The following TLE6 variants were observed in gnomAD, a reference collection of about 807,000 sequenced individuals.
TLE6 encodes the protein TLE family member 6, subcortical maternal complex member.
A neutral mutation model predicts 77.1 loss-of-function variants in TLE6; 72 were observed. The ratio of observed to expected loss-of-function variants is 0.93; its 90% confidence interval spans 0.77 to 1.14. TLE6 has a LOEUF of 1.14. Among genes scored for constraint, TLE6 ranks in the 50% most tolerant of loss-of-function variants. The pLI is 0.00. For missense variants in TLE6, 843 were observed against 747.6 expected, an observed-to-expected ratio of 1.13 and a Z score of -1.49; for synonymous variants, 366 against 287.3, an observed-to-expected ratio of 1.27 and a Z score of -2.77.
In TLE6 at chr19:2,977,609, C is replaced by G. The variant is rs1048175127; in HGVS notation, c.-38C>G. 2 of 152,410 alleles carry G rather than the reference C, an allele frequency of 1.3e-5. No homozygotes were observed. Among genetic ancestry groups the G allele is most frequent in the African/African-American group, 4.8e-5 (2 of 41,368 alleles). 9.4% of individuals were successfully genotyped at this position (152,410 alleles called of 1,614,324 possible). A position where few individuals can be genotyped will look rare whatever the true frequency, so the allele number is the denominator to read the frequency against. ...TTGGCTGACCTCCGCAGCTTCCGCC[C>G]GGTGAGGGACGTGAGTTGCCAGGCG... On this transcript the variant is annotated splice_region_variant and 5_prime_UTR_variant, in exon 1 of 17. Transcript: ENST00000246112.
chr19:2,982,366 C>A (rs558819529), intron 5 of TLE6, among the ~76,000 whole-genome samples, 177 bp downstream of exon 5: 2 of 151,248 alleles, frequency 1.3e-5, no homozygotes, highest in East Asian at 3.9e-4. Context: ...GGTGAAACCC[C>A]GTCTCTACTA....
intron 5 of TLE6, among the ~76,000 whole-genome samples, chr19:2,986,014 C>T (rs1169913481): frequency 1.6e-5 from 2 of 122,766 alleles, no homozygotes; most frequent in African/African-American, 6.4e-5. Flanking sequence ...GCGGAGGTTG[C>T]AGTGAGCCGA....
chr19:2,993,978 G>T, intron 15 of TLE6, 41 bp from the exon 16 acceptor site: 3 of 1,480,718 alleles, frequency 2.0e-6, no homozygotes, highest in South Asian at 1.2e-5. Context: ...GAAGGAAAAA[G>T]GTAGTGGTTC....
rs764449695 is a variant in TLE6 at position 2,981,596 on chromosome 19, C to G, written c.180+13C>G. The G allele has an allele frequency of 1.2e-5, 18 of 1,551,420 alleles. No individual in the cohort carries two copies. Among genetic ancestry groups the G allele is most frequent in the Non-Finnish European group, 1.5e-5 (17 of 1,146,932 alleles). ...CATTTACTACTCGGTGAGCCAGACC[C>G]AGGCAGCCCCAACCAAGGAGGGCCC... On this transcript the variant is annotated intron_variant, in intron 4 of 16. Coordinates refer to ENST00000246112, the MANE Select transcript of TLE6 (RefSeq NM_001143986.2).
chr19:2,991,151 G>A (rs2145059983), intron 13 of TLE6, among the ~76,000 whole-genome samples: 1 of 151,310 alleles, frequency 6.6e-6, no homozygotes, highest in South Asian at 2.1e-4. Flanking sequence ...ATCACCTGAG[G>A]TCGGGAGTTT....
intron 13 of TLE6, 39 bp from the exon 14 acceptor site, chr19:2,991,804 G>A: frequency 6.2e-7 from 1 of 1,609,660 alleles, no homozygotes; most frequent in Non-Finnish European, 8.5e-7. Context: ...AAACCTCAGA[G>A]TCTTGACCTG....
At chr19:2,983,219 T>C (rs1164752096) in intron 5 of TLE6, among the ~76,000 whole-genome samples, 3 of 152,052 alleles carry the variant, frequency 2.0e-5, no homozygotes, top group Non-Finnish European at 4.4e-5. Flanking sequence ...TCAGCAGATA[T>C]TTATCCATCA....
intron 2 of TLE6, 92 bp downstream of exon 2, chr19:2,978,376 C>A: frequency 3.9e-6 from 5 of 1,291,630 alleles, no homozygotes; most frequent in Non-Finnish European, 3.3e-6. Flanking sequence ...GGGCTGGCCC[C>A]GCCCAGGCCT....
rs767771606 is a variant in TLE6, at chr19:2,987,346, A to T, written c.542-10A>T. 1 of 1,614,128 alleles carries T rather than the reference A, an allele frequency of 6.2e-7. No individual in the cohort carries two copies. The highest frequency in any genetic ancestry group is 1.1e-5 in the South Asian group (1 of 91,088). On this transcript the variant is annotated splice_polypyrimidine_tract_variant and intron_variant, in intron 7 of 16. Transcript: ENST00000246112. ...TGTCCCCCTCCTCCTCTCCGTTGTC[A>T]TGGTGACAGAGCAGGCACCAGGCCT...
chr19:2,991,234 C>T (rs912739451), intron 13 of TLE6, among the ~76,000 whole-genome samples: 3 of 150,968 alleles, frequency 2.0e-5, no homozygotes, highest in African/African-American at 7.3e-5. Flanking sequence ...TGGCCCATGC[C>T]TGTAATGCCA....
chr19:2,977,859 G>T (rs956140630), intron 1 of TLE6, among the ~76,000 whole-genome samples: 1 of 152,138 alleles, frequency 6.6e-6, no homozygotes, highest in Non-Finnish European at 1.5e-5. Context: ...TTAGGAAATT[G>T]TCTCAAAACT....
chr19:2,991,389 T>TACAC (rs1403725836), intron 13 of TLE6, among the ~76,000 whole-genome samples: 1 of 113,874 alleles, frequency 8.8e-6, no homozygotes, highest in Admixed American at 9.3e-5. Context: ...TATATATATA[T>TACAC]ATATATACAC....
At chr19:2,986,266 A>T (rs1665345482) in intron 5 of TLE6, among the ~76,000 whole-genome samples, 2 of 151,608 alleles carry the variant, frequency 1.3e-5, no homozygotes, top group African/African-American at 4.9e-5. Context: ...GTGTATTTAA[A>T]TTAGCTGAGC....
At position 2,986,964 on chromosome 19, in the gene TLE6, C is replaced by T; in HGVS notation, c.286-19C>T. ...GGCTCATCCTCAAAGCTCTCACTGCCTTGTTCCTGCCGGGCCAGGTCTCAC... is the reference window on the plus strand; with the variant it reads ...GGCTCATCCTCAAAGCTCTCACTGCTTTGTTCCTGCCGGGCCAGGTCTCAC... On this transcript the variant is annotated intron_variant, in intron 6 of 16. Transcript: ENST00000246112. 6.3e-7 allele frequency: 1 copy of T among 1,585,392 alleles called. No homozygotes were observed. The highest frequency in any genetic ancestry group is 1.1e-5 in the South Asian group (1 of 87,832).
At chr19:2,984,058 G>T (rs906644530) in intron 5 of TLE6, 1 of 152,266 alleles carries the variant, frequency 6.6e-6, no homozygotes, top group African/African-American at 2.4e-5. Flanking sequence ...TCCCCCACCC[G>T]CTGCTTCCAG....
intron 14 of TLE6, 22 bp downstream of exon 14, chr19:2,992,006 C>T: frequency 6.2e-7 from 1 of 1,610,542 alleles, no homozygotes; most frequent in Non-Finnish European, 8.5e-7. Flanking sequence ...GGGATGGGGT[C>T]TGCTTGGCCA....
At position 2,987,708 on chromosome 19, in the gene TLE6, CTT is replaced by C; in HGVS notation, c.559-13_559-12del. 3 of 1,614,160 alleles carry C rather than the reference CTT, an allele frequency of 1.9e-6. No individual in the cohort carries two copies. Among genetic ancestry groups the C allele is most frequent in the Non-Finnish European group, 2.5e-6 (3 of 1,180,008 alleles). On this transcript the variant is annotated splice_polypyrimidine_tract_variant and intron_variant, in intron 8 of 16. Transcript: ENST00000246112. Reference sequence around the variant, plus strand: ...AGGCAGGTCAGCAGGCCTGATGAGACTTTTCCATTTTCCAGGGGCAGGAAAGC... The same window carrying C: ...AGGCAGGTCAGCAGGCCTGATGAGACTTCCATTTTCCAGGGGCAGGAAAGC...
At chr19:2,984,825 T>C (rs2088874800) in intron 5 of TLE6, among the ~76,000 whole-genome samples, 1 of 152,156 alleles carries the variant, frequency 6.6e-6, no homozygotes, top group African/African-American at 2.4e-5. Context: ...ACTATATTTA[T>C]GTATTATTCC....
intron 14 of TLE6, among the ~76,000 whole-genome samples, chr19:2,992,292 G>GT (rs201375908): frequency 0.019 from 2,956 of 152,238 alleles, 99 homozygotes; most frequent in African/African-American, 0.068. Context: ...GACCAACATG[G>GT]TGAAACCCCG....
Sources: gnomAD v4.1 joint callset for allele counts (sites outside exome capture counted in the v4.1 genomes callset) on GRCh38, gnomAD v4.1.1 for gene constraint, MANE v1.5 for transcripts, NCBI Gene and HGNC (gene_info 2026-07-23, HGNC 2026-07-21) for gene names.